Variants in RETREG1 observed in about 807,000 individuals in gnomAD.
The protein encoded by RETREG1 is family with sequence similarity 134 member B.
RETREG1 carries 44 observed loss-of-function variants against 54.8 expected under a neutral mutation model. The ratio of observed to expected loss-of-function variants is 0.80; its 90% CI spans 0.63 to 1.03. RETREG1 has a LOEUF of 1.03. Ranked by LOEUF, RETREG1 falls within the 50% of genes least tolerant of loss-of-function variation. RETREG1 has a pLI of 0.00. For synonymous variants in RETREG1, 217 were observed against 238.5 expected, an observed-to-expected ratio of 0.91 and a Z score of 0.83; for missense variants, 554 against 605.1, an observed-to-expected ratio of 0.92 and a Z score of 0.89.
chr5:16,591,060 A>C (rs1742760304), intron 1 of RETREG1, among the ~76,000 whole-genome samples: 1 of 152,244 alleles, frequency 6.6e-6, no homozygotes, highest in Admixed American at 6.5e-5. Context: ...CATAGCACAG[A>C]ATAAATATAA....
At chr5:16,496,136 A>G (rs963340023) in intron 3 of RETREG1, among the ~76,000 whole-genome samples, 1 of 152,216 alleles carries the variant, frequency 6.6e-6, no homozygotes, top group East Asian at 1.9e-4. Context: ...AAAAAAAAGT[A>G]GTATTAGCAA....
intron 3 of RETREG1, among the ~76,000 whole-genome samples, chr5:16,550,278 A>ATT (rs1741497438): frequency 6.6e-6 from 1 of 150,748 alleles, no homozygotes. Flanking sequence ...TAAAATTTAA[A>ATT]AAAAAAAAAG....
intron 1 of RETREG1, among the ~76,000 whole-genome samples, chr5:16,576,509 G>T (rs1390031451): frequency 6.7e-6 from 1 of 150,306 alleles, no homozygotes; most frequent in Non-Finnish European, 1.5e-5. Context: ...TTTTGAGACG[G>T]AGTTTCGCTC....
chr5:16,556,153 C>CT (rs1169625228), intron 3 of RETREG1, among the ~76,000 whole-genome samples: 9 of 100,320 alleles, frequency 9.0e-5, no homozygotes, highest in Admixed American at 4.6e-4. Flanking sequence ...CAGGAAACAC[C>CT]TTTTTTTTTT....
At chr5:16,508,973 C>T (rs1163261715) in intron 3 of RETREG1, 10 of 1,057,164 alleles carry the variant, frequency 9.5e-6, no homozygotes, top group East Asian at 7.1e-5. Flanking sequence ...AAGGTGTCCC[C>T]GCTCAGCCAG....
In RETREG1 at chr5:16,526,092, C is replaced by T. The variant is rs1157128807; in HGVS notation, c.458+39671G>A. Among the ~76,000 whole-genome samples the T allele has an allele frequency of 1.3e-5, 2 of 152,230 alleles. 1 individual carries two copies. Among genetic ancestry groups the T allele is most frequent in the African/African-American group, 4.8e-5 (2 of 41,458 alleles). On this transcript the variant is annotated intron_variant, in intron 3 of 8. Transcript: ENST00000306320. ...TCTACACTGGTGTGTGACCAAATAA[C>T]GAGGCACCATTGCCTGGGCAAGTTG...
chr5:16,615,165 A>T (rs1743460042), intron 1 of RETREG1, among the ~76,000 whole-genome samples: 1 of 152,270 alleles, frequency 6.6e-6, no homozygotes, highest in East Asian at 1.9e-4. Flanking sequence ...TGGGAGGCCG[A>T]GGCGGACGGA....
At chr5:16,483,709 G>T (rs1273611736) in intron 3 of RETREG1, among the ~76,000 whole-genome samples, 1 of 152,066 alleles carries the variant, frequency 6.6e-6, no homozygotes, top group Non-Finnish European at 1.5e-5. Context: ...GGGAGAACAG[G>T]GTGAGGCTTA....
At chr5:16,532,470 G>A (rs1010991620) in intron 3 of RETREG1, among the ~76,000 whole-genome samples, 2 of 152,350 alleles carry the variant, frequency 1.3e-5, no homozygotes, top group East Asian at 1.9e-4. Flanking sequence ...AGGTTGTAGT[G>A]AGCCGAGATT....
intron 3 of RETREG1, among the ~76,000 whole-genome samples, chr5:16,484,736 A>G (rs1026040111): frequency 2.0e-5 from 3 of 152,156 alleles, no homozygotes; most frequent in East Asian, 1.9e-4. Context: ...GTGCAATAGC[A>G]TATTTTAAAA....
At chr5:16,543,188 G>A (rs1741294967) in intron 3 of RETREG1, among the ~76,000 whole-genome samples, 1 of 151,980 alleles carries the variant, frequency 6.6e-6, no homozygotes, top group Admixed American at 6.6e-5. Flanking sequence ...TTTTATTGTT[G>A]AGCAGTATTC....
chr5:16,558,937 A>G (rs1240078453), intron 3 of RETREG1, among the ~76,000 whole-genome samples: 1 of 152,230 alleles, frequency 6.6e-6, no homozygotes, highest in Non-Finnish European at 1.5e-5. Flanking sequence ...AGAGGAGACA[A>G]TTTAGCAAAC....
At chr5:16,583,503 T>C (rs188201850) in intron 1 of RETREG1, among the ~76,000 whole-genome samples, 17 of 151,940 alleles carry the variant, frequency 1.1e-4, no homozygotes, top group Non-Finnish European at 2.1e-4. Context: ...AATATATATA[T>C]TTTACATATA....
chr5:16,485,786 C>T (rs1041268807), intron 3 of RETREG1, among the ~76,000 whole-genome samples: 2 of 152,182 alleles, frequency 1.3e-5, no homozygotes, highest in Non-Finnish European at 2.9e-5. Context: ...TTCAAGTGGA[C>T]ACCATCTATC....
chr5:16,592,956 C>T (rs1371902541), intron 1 of RETREG1, among the ~76,000 whole-genome samples: 1 of 152,060 alleles, frequency 6.6e-6, no homozygotes, highest in Admixed American at 6.5e-5. Context: ...AGGCTCAGTA[C>T]CTGGGTGATG....
At chr5:16,616,527 G>A (rs1347836632) in intron 1 of RETREG1, 125 bp downstream of exon 1, 2 of 1,459,642 alleles carry the variant, frequency 1.4e-6, no homozygotes, top group Non-Finnish European at 1.8e-6. Context: ...CGAGAAAGTG[G>A]GGCAGGGCTG....
intron 3 of RETREG1, among the ~76,000 whole-genome samples, chr5:16,497,111 G>C (rs185293862): frequency 6.6e-6 from 1 of 152,108 alleles, no homozygotes; most frequent in Non-Finnish European, 1.5e-5. Context: ...CCCATTTATT[G>C]AGCACACACC....
intron 3 of RETREG1, among the ~76,000 whole-genome samples, chr5:16,484,623 T>G (rs545724887): frequency 6.6e-6 from 1 of 152,348 alleles, no homozygotes; most frequent in South Asian, 2.1e-4. Flanking sequence ...CAGAAGTTTA[T>G]GTACATACAG....
At chr5:16,497,573 T>C (rs1739513988) in intron 3 of RETREG1, among the ~76,000 whole-genome samples, 1 of 152,180 alleles carries the variant, frequency 6.6e-6, no homozygotes, top group African/African-American at 2.4e-5. Flanking sequence ...CATTGGTAAC[T>C]AACAGGGGTC....
Sources: allele counts gnomAD v4.1 joint callset (sites outside exome capture counted in the v4.1 genomes callset), GRCh38; gene constraint gnomAD v4.1.1; transcripts MANE v1.5; gene names NCBI Gene and HGNC (gene_info 2026-07-23, HGNC 2026-07-21).